The following UNC13C variants were observed in gnomAD, a reference collection of about 807,000 sequenced individuals.
UNC13C encodes the protein protein unc-13 homolog C.
Under a neutral mutation model 245.4 loss-of-function variants are expected in UNC13C, and 174 were observed. That is an observed-to-expected ratio of 0.71 (90% CI 0.63 to 0.80). UNC13C has a LOEUF of 0.80. Ranked by LOEUF, UNC13C falls within the 30% of genes least tolerant of loss-of-function variation. UNC13C has a pLI of 0.00. For missense variants in UNC13C, 2,829 were observed against 2,602.9 expected (o/e 1.09, Z -1.89); for synonymous variants, 992 against 895.1 (o/e 1.11, Z -1.93).
intron 19 of UNC13C, among the ~76,000 whole-genome samples, chr15:54,475,440 A>T (rs1892683347): frequency 6.6e-6 from 1 of 151,542 alleles, no homozygotes; most frequent in Non-Finnish European, 1.5e-5. Flanking sequence ...TATATCTCCT[A>T]ATGCTATCCC....
rs1033252787 is a variant in UNC13C at position 54,429,623 on chromosome 15, T to A, written c.4933+14556T>A. On this transcript the variant is annotated intron_variant, in intron 19 of 32. Coordinates refer to ENST00000260323, the MANE Select transcript of UNC13C (RefSeq NM_001080534.3). ...AATAGGTATTGATATTTGTGAATAT[T>A]TATTCACTTGTAATTTTAATCAGAT... Among the ~76,000 whole-genome samples, 4 of 151,814 alleles carry A rather than the reference T, an allele frequency of 2.6e-5. No homozygotes were observed. In the East Asian group the frequency reaches 7.8e-4, roughly 30 times the overall value.
intron 30 of UNC13C, chr15:54,611,647 A>C (rs1034084044): frequency 6.6e-6 from 1 of 150,584 alleles, no homozygotes; most frequent in Non-Finnish European, 1.5e-5. Context: ...CTATGATTGT[A>C]AGTAAGTAAG....
At chr15:53,963,916 A>G in the UNC13C span, among the ~76,000 whole-genome samples, 4 of 152,318 alleles carry the variant, frequency 2.6e-5, no homozygotes, top group African/African-American at 9.6e-5. Flanking sequence ...TAGTCAAGCA[A>G]TTGTGTCAGG....
chr15:54,438,730 C>T (rs1399840484), intron 19 of UNC13C, among the ~76,000 whole-genome samples: 3 of 151,870 alleles, frequency 2.0e-5, no homozygotes, highest in Non-Finnish European at 4.4e-5. Context: ...TTTCTAGAAT[C>T]CCACCAGCAC....
intron 24 of UNC13C, among the ~76,000 whole-genome samples, chr15:54,516,027 T>G (rs1370863411): frequency 6.6e-6 from 1 of 152,176 alleles, no homozygotes; most frequent in Non-Finnish European, 1.5e-5. Flanking sequence ...ATTTCAGAGA[T>G]GTATATCTAT....
intron 4 of UNC13C, among the ~76,000 whole-genome samples, chr15:54,181,289 G>T (rs1437398214): frequency 6.6e-6 from 1 of 152,020 alleles, no homozygotes; most frequent in Non-Finnish European, 1.5e-5. Context: ...TGTAGACTTT[G>T]TTGAAGATCA....
intron 4 of UNC13C, among the ~76,000 whole-genome samples, chr15:54,157,370 A>T (rs1428347114): frequency 6.6e-6 from 1 of 152,236 alleles, no homozygotes; most frequent in African/African-American, 2.4e-5. Flanking sequence ...ACTGTGGATT[A>T]TACTCATAAT....
the UNC13C span, among the ~76,000 whole-genome samples, chr15:53,956,880 G>GTGTGTGTGTGTA: frequency 6.9e-6 from 1 of 144,304 alleles, no homozygotes; most frequent in Non-Finnish European, 1.5e-5. Flanking sequence ...GCTCAAGTGT[G>GTGTGTGTGTGTA]TGTGTGTGTG....
At chr15:53,876,483 G>A in the UNC13C span, among the ~76,000 whole-genome samples, 1 of 152,138 alleles carries the variant, frequency 6.6e-6, no homozygotes, top group East Asian at 1.9e-4. Context: ...AAACCAAAAT[G>A]TTGACATATT....
At position 54,136,457 on chromosome 15, in the gene UNC13C, G is replaced by T. The variant is rs188755170; in HGVS notation, c.2984-6561G>T. Among the ~76,000 whole-genome samples, 278 of 152,104 alleles carry T rather than the reference G, an allele frequency of 1.8e-3. 2 individuals carry two copies. Among genetic ancestry groups the T allele is most frequent in the African/African-American group, 6.4e-3 (266 of 41,492 alleles). On this transcript the variant is annotated intron_variant, in intron 2 of 32. Coordinates refer to ENST00000260323, the MANE Select transcript of UNC13C (RefSeq NM_001080534.3). ...TTTAAGTTTTTTGGTGGAGTCTAGG[G>T]TTTTCCATATGTGAGTTATTGTCAC... is the stretch of plus-strand genomic sequence containing the variant.
chr15:54,181,927 C>G (rs937753689), intron 4 of UNC13C, among the ~76,000 whole-genome samples: 6 of 151,856 alleles, frequency 4.0e-5, no homozygotes, highest in African/African-American at 1.4e-4. Flanking sequence ...GTTCCAAAAG[C>G]CTTTTGGCAG....
chr15:54,546,639 T>C, intron 26 of UNC13C, 83 bp from the exon 27 acceptor site: 2 of 756,950 alleles, frequency 2.6e-6, no homozygotes, highest in Non-Finnish European at 3.8e-6. Flanking sequence ...AAATGGAATT[T>C]AGCATTTGAA....
intron 19 of UNC13C, among the ~76,000 whole-genome samples, chr15:54,415,313 G>A (rs1310508843): frequency 1.3e-5 from 2 of 152,050 alleles, no homozygotes. Flanking sequence ...TTCACTGATA[G>A]GATTATGCTC....
At chr15:54,029,742 C>G (rs1896276059) in intron 2 of UNC13C, among the ~76,000 whole-genome samples, 1 of 152,180 alleles carries the variant, frequency 6.6e-6, no homozygotes, top group Admixed American at 6.5e-5. Context: ...TAAGCCTTCA[C>G]ACAGCTTCAG....
In UNC13C at chr15:54,455,213, A is replaced by ACCC. The variant is rs1567289147; in HGVS notation, c.4934-39395_4934-39394insCCC. ...TCTCTCTCTCTCTCTCTCTATATAT[A>ACCC]TATATATATATATATATATATATAT... On this transcript the variant is annotated intron_variant, in intron 19 of 32. Coordinates refer to ENST00000260323, the MANE Select transcript of UNC13C (RefSeq NM_001080534.3). Among the ~76,000 whole-genome samples, 3 of 49,874 alleles carry ACCC rather than the reference A, an allele frequency of 6.0e-5. 1 individual carries two copies. Among genetic ancestry groups the ACCC allele is most frequent in the African/African-American group, 1.9e-4 (3 of 15,514 alleles). The allele number at this position is 49,874 out of a possible 152,430, so 32.7% of individuals were successfully genotyped here. A position where few individuals can be genotyped will look rare whatever the true frequency, so the allele number is the denominator to read the frequency against.
At chr15:54,070,291 C>G in intron 2 of UNC13C, among the ~76,000 whole-genome samples, 1 of 152,170 alleles carries the variant, frequency 6.6e-6, no homozygotes. Context: ...TCATCACCCT[C>G]AAGGACCCTC....
intron 7 of UNC13C, among the ~76,000 whole-genome samples, chr15:54,248,252 T>C (rs898908762): frequency 1.3e-4 from 20 of 152,200 alleles, no homozygotes; most frequent in African/African-American, 4.8e-4. Flanking sequence ...AGTTGCCTGA[T>C]GCAATTGCAA....
intron 24 of UNC13C, among the ~76,000 whole-genome samples, chr15:54,520,170 G>A (rs989051049): frequency 1.3e-5 from 2 of 151,814 alleles, no homozygotes; most frequent in Non-Finnish European, 2.9e-5. Flanking sequence ...GGCTAGAGGA[G>A]AAAAATTCAG....
chr15:53,925,511 T>C, the UNC13C span, among the ~76,000 whole-genome samples: 4,368 of 152,238 alleles, frequency 0.029, 227 homozygotes, highest in African/African-American at 0.1. Flanking sequence ...TTTAGAGCTT[T>C]AGTATAAAGC....
Sources: allele counts gnomAD v4.1 joint callset (sites outside exome capture counted in the v4.1 genomes callset), GRCh38; gene constraint gnomAD v4.1.1; transcripts MANE v1.5; gene names NCBI Gene and HGNC (gene_info 2026-07-23, HGNC 2026-07-21).